IL12RB2: variants seen among roughly 807,000 people sequenced by gnomAD.
The protein encoded by IL12RB2 is interleukin 12 receptor subunit beta 2.
A neutral mutation model predicts 89.4 loss-of-function variants in IL12RB2; 82 were observed. The ratio of observed to expected loss-of-function variants is 0.92; its 90% CI spans 0.77 to 1.10. The LOEUF (loss-of-function observed/expected upper bound fraction) is 1.10. IL12RB2 is among the 50% of genes least tolerant of loss of function. The probability of loss-of-function intolerance (pLI) is 0.00; values close to 1 mark genes in which losing one functional copy is unlikely to be tolerated. For synonymous variants in IL12RB2, 368 were observed against 370.1 expected (o/e 0.99, Z 0.07); for missense variants, 963 against 1,031.9 (o/e 0.93, Z 0.92).
Position 67,372,767 on chromosome 1 carries a change from CCAGCCT to C in IL12RB2, c.1706_1711del (p.Pro569_Gln570del). On this transcript the variant is annotated inframe_deletion, in exon 13 of 17. Transcript: ENST00000674203. ...ACTGGAAGGAACGGGACTCCAACTC[CCAGCCT>C]CAGCTCTGTGGTATGTGTGAGAACC... 1 of 1,608,602 alleles carries C rather than the reference CCAGCCT, an allele frequency of 6.2e-7. No individual in the cohort carries two copies. The highest frequency in any genetic ancestry group is 8.5e-7 in the Non-Finnish European group (1 of 1,175,010).
At chr1:67,346,588 G>A (rs1248507507) in intron 9 of IL12RB2, among the ~76,000 whole-genome samples, 2 of 151,998 alleles carry the variant, frequency 1.3e-5, no homozygotes, top group African/African-American at 2.4e-5. Flanking sequence ...GTTTCACCAT[G>A]TTGGCTGAGC....
intron 13 of IL12RB2, 45 bp from the exon 14 acceptor site, chr1:67,379,941 C>G: frequency 7.0e-7 from 1 of 1,419,760 alleles, no homozygotes; most frequent in Non-Finnish European, 1.0e-6. Context: ...ACATTAAAAG[C>G]CATATCCTTT....
intron 13 of IL12RB2, among the ~76,000 whole-genome samples, chr1:67,375,709 C>G (rs933669090): frequency 2.0e-5 from 3 of 152,080 alleles, no homozygotes; most frequent in Non-Finnish European, 2.9e-5. Context: ...AGGTGTAGAG[C>G]CAGGGAGGAA....
At position 67,390,050 on chromosome 1, in the gene IL12RB2, C is replaced by A; in HGVS notation, c.1968C>A (p.Ala656=). ...ATAGGGTGTTTGTTCTCCTAGCAGC[C>A]CTCAGACCTCAGTGGTGTAGCAGAG... The part of the protein sequence containing the change: ...FQQKVFVLLA[A]LRPQWCSREI... Residue 656 remains alanine, a synonymous_variant, in exon 16 of 17, where the codon GCC becomes GCA. Transcript: ENST00000674203. The A allele has an allele frequency of 1.5e-6, 2 of 1,318,458 alleles. No homozygotes were observed. The highest frequency in any genetic ancestry group is 1.1e-6 in the Non-Finnish European group (1 of 909,802). 81.7% of individuals were successfully genotyped at this position (1,318,458 alleles called of 1,614,324 possible).
upstream of IL12RB2, chr1:67,307,695 A>AGCTGAACTGAGAAGCGAGTCCTG (rs1553304793): frequency 6.6e-6 from 1 of 152,214 alleles, no homozygotes; most frequent in Non-Finnish European, 1.5e-5. Flanking sequence ...GCGCTTCCAG[A>AGCTGAACTGAGAAGCGAGTCCTG]GCTGAACTGA....
intron 14 of IL12RB2, among the ~76,000 whole-genome samples, chr1:67,384,166 G>C (rs1194105139): frequency 6.6e-6 from 1 of 152,190 alleles, no homozygotes; most frequent in African/African-American, 2.4e-5. Context: ...TTCTCCATAA[G>C]GGCTCCGCCC....
intron 1 of IL12RB2, 51 bp from the exon 2 acceptor site, chr1:67,313,862 C>G (rs144600971): frequency 1.3e-5 from 2 of 151,824 alleles, no homozygotes; most frequent in African/African-American, 4.8e-5. Flanking sequence ...AGGTTCTGAT[C>G]TGGATTTTGC....
intron 9 of IL12RB2, among the ~76,000 whole-genome samples, chr1:67,349,067 C>T (rs1192902299): frequency 1.3e-5 from 2 of 152,168 alleles, no homozygotes; most frequent in African/African-American, 4.8e-5. Flanking sequence ...CTGCTGTGAT[C>T]AGCTAGATTT....
chr1:67,389,818 A>G (rs934309612), intron 15 of IL12RB2, among the ~76,000 whole-genome samples: 6 of 152,226 alleles, frequency 3.9e-5, no homozygotes, highest in African/African-American at 1.4e-4. Flanking sequence ...CAAAAGTTCC[A>G]TGGTTTATTT....
At position 67,396,016 on chromosome 1, in the gene IL12RB2, C is replaced by T. The variant is rs1417540347; in HGVS notation, c.2516C>T (p.Pro839Leu). 1 of 1,603,294 alleles carries T rather than the reference C, an allele frequency of 6.2e-7. No homozygotes were observed. Among genetic ancestry groups the T allele is most frequent in the South Asian group, 1.1e-5 (1 of 90,862 alleles). The change falls in exon 17 of 17, where the codon CCA becomes CTA. Residue 839 changes from proline to leucine, a missense_variant. Coordinates refer to ENST00000674203, the MANE Select transcript of IL12RB2 (RefSeq NM_001374259.2). ...LSVFPSSSLHPLTFSCGDKLT... is the reference protein window; with the variant it reads ...LSVFPSSSLHLLTFSCGDKLT... ...GTTTTCCCCTCAAGTTCTCTTCACCCACTCACCTTCTCCTGTGGTGATAAG... is the reference window on the plus strand; with the variant it reads ...GTTTTCCCCTCAAGTTCTCTTCACCTACTCACCTTCTCCTGTGGTGATAAG...
intron 10 of IL12RB2, among the ~76,000 whole-genome samples, chr1:67,367,198 G>C: frequency 6.6e-6 from 1 of 151,802 alleles, no homozygotes; most frequent in East Asian, 1.9e-4. Flanking sequence ...TTTGAGATCA[G>C]CCTGGGCAAC....
Position 67,396,094 on chromosome 1 carries a change from T to A in IL12RB2, c.*5T>A, listed in dbSNP as rs199878862. The A allele has an allele frequency of 4.7e-5, 73 of 1,563,002 alleles. No homozygotes were observed. The Middle Eastern group carries it at 5.0e-4, about 11-fold the overall frequency. On this transcript the variant is annotated 3_prime_UTR_variant, in exon 17 of 17. Coordinates refer to ENST00000674203, the MANE Select transcript of IL12RB2 (RefSeq NM_001374259.2). ...TGTGACTCCCTCATGCTCTGAGTGGTGAGGCTTCAAGCCTTAAAGTCAGTG... is the reference window on the plus strand; with the variant it reads ...TGTGACTCCCTCATGCTCTGAGTGGAGAGGCTTCAAGCCTTAAAGTCAGTG...
At chr1:67,365,643 G>A (rs142547623) in intron 10 of IL12RB2, among the ~76,000 whole-genome samples, 142 of 152,102 alleles carry the variant, frequency 9.3e-4, no homozygotes, top group African/African-American at 3.2e-3. Flanking sequence ...TATGAAACTT[G>A]GTATATTACA....
chr1:67,398,675 C>T lies in IL12RB2; in HGVS notation c.*2586C>T, dbSNP rs377141895. On this transcript the variant is annotated 3_prime_UTR_variant, in exon 17 of 17. Coordinates refer to ENST00000674203, the MANE Select transcript of IL12RB2 (RefSeq NM_001374259.2). ...GTGTTTCCCCAGCACCAGCATCATG[C>T]CTGGTCCATAGTAGCTACCAATAAA... 4.6e-5 allele frequency among the ~76,000 whole-genome samples: 7 copies of T among 152,232 alleles called. No individual in the cohort carries two copies. The East Asian group carries it at 1.2e-3, about 25-fold the overall frequency.
In IL12RB2 at chr1:67,361,642, A is replaced by G. The variant is rs565526467; in HGVS notation, c.1259-6183A>G. On this transcript the variant is annotated intron_variant, in intron 10 of 16. Coordinates refer to ENST00000674203, the MANE Select transcript of IL12RB2 (RefSeq NM_001374259.2). ...AGAACAAAGACTGAAAAAACATAACAACATATACAAAATCTGTGGAACAAC... is the reference window on the plus strand; with the variant it reads ...AGAACAAAGACTGAAAAAACATAACGACATATACAAAATCTGTGGAACAAC... Among the ~76,000 whole-genome samples, 6 of 152,314 alleles carry G rather than the reference A, an allele frequency of 3.9e-5. No homozygotes were observed. In the East Asian group the frequency reaches 1.2e-3, roughly 29 times the overall value.
Position 67,383,214 on chromosome 1 carries a change from AC to A in IL12RB2, c.1855+3093del, listed in dbSNP as rs533330310. Among the ~76,000 whole-genome samples the A allele has an allele frequency of 2.6e-5, 4 of 152,188 alleles. No homozygotes were observed. The South Asian group carries it at 8.3e-4, about 32-fold the overall frequency. The stretch of plus-strand genomic sequence containing the variant: ...AAGTGGGGGAAAGGCCCCTTAGAAA[AC>A]CATCAATTCTTGTGAGAACTCACTC... On this transcript the variant is annotated intron_variant, in intron 14 of 16. Coordinates refer to ENST00000674203, the MANE Select transcript of IL12RB2 (RefSeq NM_001374259.2).
At position 67,389,066 on chromosome 1, in the gene IL12RB2, C is replaced by G. The variant is rs1421734673; in HGVS notation, c.1947-963C>G. Among the ~76,000 whole-genome samples, 4 of 151,990 alleles carry G rather than the reference C, an allele frequency of 2.6e-5. No homozygotes were observed. In the East Asian group the frequency reaches 7.7e-4, roughly 29 times the overall value. ...CTGCCTTAAAAAAAAAAAGAGGACC[C>G]AAAGCACAGTGGCTTAAATAATACT... On this transcript the variant is annotated intron_variant, in intron 15 of 16. Transcript: ENST00000674203.
chr1:67,379,505 G>A (rs1200102345), intron 13 of IL12RB2, among the ~76,000 whole-genome samples: 2 of 35,508 alleles, frequency 5.6e-5, no homozygotes, highest in East Asian at 1.2e-3. Flanking sequence ...GCAAGAACCT[G>A]TCTCAAAAAA....
intron 10 of IL12RB2, among the ~76,000 whole-genome samples, chr1:67,354,603 G>T (rs947656500): frequency 6.6e-6 from 1 of 152,192 alleles, no homozygotes; most frequent in African/African-American, 2.4e-5. Flanking sequence ...AGGGCCTCTT[G>T]CCTCTCCTAA....
Sources: allele counts gnomAD v4.1 joint callset (sites outside exome capture counted in the v4.1 genomes callset), GRCh38; gene constraint gnomAD v4.1.1; transcripts MANE v1.5; gene names NCBI Gene and HGNC (gene_info 2026-07-23, HGNC 2026-07-21).